NIM1K: variants seen among roughly 807,000 people sequenced by gnomAD.
The protein encoded by NIM1K is serine/threonine-protein kinase NIM1.
NIM1K carries 35 observed loss-of-function variants against 37.1 expected under a neutral mutation model. That is an observed-to-expected ratio of 0.94 (90% CI 0.72 to 1.25). NIM1K has a LOEUF of 1.25. Among genes scored for constraint, NIM1K ranks in the 50% most tolerant of loss-of-function variants. The pLI, the probability that NIM1K is intolerant of heterozygous loss-of-function variation, is 0.00. For synonymous variants in NIM1K, 234 were observed against 206.6 expected, an observed-to-expected ratio of 1.13 and a Z score of -1.14; for missense variants, 564 against 548.0, an observed-to-expected ratio of 1.03 and a Z score of -0.29.
At chr5:43,229,257 A>G (rs1752502891) in intron 1 of NIM1K, among the ~76,000 whole-genome samples, 1 of 151,840 alleles carries the variant, frequency 6.6e-6, no homozygotes, top group African/African-American at 2.4e-5. Context: ...TGGTGGCAGG[A>G]GCCTGTAATC....
chr5:43,247,601 C>T (rs2112265297), intron 2 of NIM1K, among the ~76,000 whole-genome samples: 1 of 152,314 alleles, frequency 6.6e-6, no homozygotes, highest in East Asian at 1.9e-4. Context: ...ACCTTCAGAG[C>T]TTCTGATGTG....
At chr5:43,207,786 C>T (rs1579956188) in intron 1 of NIM1K, 4 of 430,372 alleles carry the variant, frequency 9.3e-6, no homozygotes, top group Non-Finnish European at 1.8e-5. Context: ...GTATTGTACA[C>T]TCTTTGGAAG....
chr5:43,277,279 A>G lies in NIM1K; in HGVS notation c.515A>G (p.Glu172Gly). Reference protein sequence around the residue: ...ISTEGKLSEPESKLIFSQIVS... With the variant: ...ISTEGKLSEPGSKLIFSQIVS... ...ACTGAGGGGAAGCTCTCTGAACCAG[A>G]AAGCAAGCTCATCTTCTCCCAGATT... Residue 172 changes from glutamate to glycine, a missense_variant, in exon 3 of 4, where the codon GAA becomes GGA. Physicochemically the swap from Glu to Gly is moderately conservative, Grantham distance 98. Coordinates refer to ENST00000326035, the MANE Select transcript of NIM1K (RefSeq NM_153361.4). The G allele has an allele frequency of 6.2e-7, 1 of 1,614,114 alleles. No homozygotes were observed. The highest frequency in any genetic ancestry group is 1.1e-5 in the South Asian group (1 of 91,070).
chr5:43,206,754 G>C, intron 1 of NIM1K: 1 of 756,588 alleles, frequency 1.3e-6, no homozygotes, highest in Non-Finnish European at 2.5e-6. Context: ...TGGCACCAAA[G>C]CTGATGGTGA....
intron 2 of NIM1K, among the ~76,000 whole-genome samples, chr5:43,263,224 G>T (rs1261647748): frequency 6.6e-6 from 1 of 152,210 alleles, no homozygotes; most frequent in African/African-American, 2.4e-5. Context: ...ATTCAGCTGT[G>T]AATCTGTCTG....
Position 43,245,497 on chromosome 5 carries a change from C to A in NIM1K, c.-279C>A. On this transcript the variant is annotated 5_prime_UTR_variant, in exon 2 of 4. The change creates a premature stop within an existing upstream ORF in the 5' untranslated region. Coordinates refer to ENST00000326035, the MANE Select transcript of NIM1K (RefSeq NM_153361.4). ...CAGGCCAGTGGGTATGTAACATGTG[C>A]CTAATTGTACAGCTAGAGCCTGCAA... 3.0e-6 allele frequency: 1 copy of A among 330,302 alleles called. No homozygotes were observed. The highest frequency in any genetic ancestry group is 5.5e-6 in the Non-Finnish European group (1 of 181,700). The allele number at this position is 330,302 out of a possible 1,614,324, so 20.5% of individuals were successfully genotyped here.
intron 1 of NIM1K, among the ~76,000 whole-genome samples, chr5:43,212,400 A>G (rs75322768): frequency 0.024 from 3,600 of 152,232 alleles, 150 homozygotes; most frequent in East Asian, 0.16. Context: ...CCAGGCTCCA[A>G]TAGGGATTTT....
intron 1 of NIM1K, among the ~76,000 whole-genome samples, chr5:43,229,288 G>A (rs1252998395): frequency 6.6e-6 from 1 of 150,994 alleles, no homozygotes; most frequent in Admixed American, 6.6e-5. Flanking sequence ...AGGAGGCTGA[G>A]GCAGGAGAAT....
intron 1 of NIM1K, among the ~76,000 whole-genome samples, chr5:43,224,997 A>G (rs1362495544): frequency 6.6e-6 from 1 of 152,132 alleles, no homozygotes; most frequent in Non-Finnish European, 1.5e-5. Context: ...CCTGGCCACA[A>G]GTGGATTTTT....
At chr5:43,276,947 G>C in intron 2 of NIM1K, 110 bp from the exon 3 acceptor site, 1 of 1,071,878 alleles carries the variant, frequency 9.3e-7, no homozygotes, top group Non-Finnish European at 1.4e-6. Flanking sequence ...CTCTCAGCTT[G>C]GGAACAGCCA....
In NIM1K at chr5:43,246,708, A is replaced by G. The variant is rs140752461; in HGVS notation, c.292+641A>G. Among the ~76,000 whole-genome samples, 72 of 152,098 alleles carry G rather than the reference A, an allele frequency of 4.7e-4. No individual in the cohort carries two copies. In the East Asian group the frequency reaches 0.013, roughly 27 times the overall value. ...CTCATTGTTTGGCTCCTCACTCCCCATTTGCTTGGCTACTGGAAACTTTGA... is the reference window on the plus strand; with the variant it reads ...CTCATTGTTTGGCTCCTCACTCCCCGTTTGCTTGGCTACTGGAAACTTTGA... On this transcript the variant is annotated intron_variant, in intron 2 of 3. Coordinates refer to ENST00000326035, the MANE Select transcript of NIM1K (RefSeq NM_153361.4).
Position 43,246,063 on chromosome 5 carries a change from C to T in NIM1K, c.288C>T (p.Thr96=). 1 of 1,608,596 alleles carries T rather than the reference C, an allele frequency of 6.2e-7. No homozygotes were observed. The highest frequency in any genetic ancestry group is 8.5e-7 in the Non-Finnish European group (1 of 1,176,844). The change falls in exon 2 of 4, where the codon ACC becomes ACT. Residue 96 remains threonine (T), a synonymous_variant. Coordinates refer to ENST00000326035, the MANE Select transcript of NIM1K (RefSeq NM_153361.4). ...TGAAGCTTGGGATTCACTCCCTAAC[C>T]AAAGGTAGGATCCGACTTCCCAAGG... is the stretch of plus-strand genomic sequence containing the variant. The part of the protein sequence containing the change: ...SQVKLGIHSL[T]KEKVAIKILD...
intron 2 of NIM1K, among the ~76,000 whole-genome samples, chr5:43,269,778 C>T (rs1361547500): frequency 6.6e-6 from 1 of 152,114 alleles, no homozygotes; most frequent in Non-Finnish European, 1.5e-5. Flanking sequence ...GCCACTACGC[C>T]TGGCTAATTT....
At chr5:43,265,776 G>T (rs553147341) in intron 2 of NIM1K, among the ~76,000 whole-genome samples, 1 of 152,318 alleles carries the variant, frequency 6.6e-6, no homozygotes, top group East Asian at 1.9e-4. Context: ...TTTGGTCTTT[G>T]ATGATGGTGA....
Position 43,208,408 on chromosome 5 carries a change from G to A in NIM1K, c.-695+15997G>A, listed in dbSNP as rs191491202. Among the ~76,000 whole-genome samples, 566 of 152,172 alleles carry A rather than the reference G, an allele frequency of 3.7e-3. 1 individual carries two copies. The highest frequency in any genetic ancestry group is 0.013 in the African/African-American group (541 of 41,532). ...TCACAAGGTCAGGAGTTCGAGAACA[G>A]CCTGACCAATATGGTGAAACCCTGT... On this transcript the variant is annotated intron_variant, in intron 1 of 3. Transcript: ENST00000326035.
chr5:43,258,344 C>A lies in NIM1K; in HGVS notation c.292+12277C>A, dbSNP rs549771095. On this transcript the variant is annotated intron_variant, in intron 2 of 3. Coordinates refer to ENST00000326035, the MANE Select transcript of NIM1K (RefSeq NM_153361.4). The stretch of plus-strand genomic sequence containing the variant: ...GAATGTAGTACCACAATTTATTTAT[C>A]CATTCAACTGTTGATGATGTGACTA... Among the ~76,000 whole-genome samples, 19 of 152,240 alleles carry A rather than the reference C, an allele frequency of 1.2e-4. No individual in the cohort carries two copies. The South Asian group carries it at 3.9e-3, about 32-fold the overall frequency.
At chr5:43,207,593 A>G in intron 1 of NIM1K, 1 of 669,344 alleles carries the variant, frequency 1.5e-6, no homozygotes, top group Non-Finnish European at 2.9e-6. Context: ...TGACCTCTCA[A>G]TGAAAGTATT....
intron 2 of NIM1K, among the ~76,000 whole-genome samples, chr5:43,262,235 C>A (rs7726618): frequency 0.24 from 36,685 of 152,054 alleles, 5,022 homozygotes; most frequent in Middle Eastern, 0.42. Context: ...TTCTTCCTAT[C>A]CATGAGCATG....
At chr5:43,240,526 T>C (rs1319327088) in intron 1 of NIM1K, 1 of 150,674 alleles carries the variant, frequency 6.6e-6, no homozygotes, top group Non-Finnish European at 1.5e-5. Context: ...TTTTTAGGGA[T>C]TCCCTCCTCT....
Sources: allele counts gnomAD v4.1 joint callset (sites outside exome capture counted in the v4.1 genomes callset), GRCh38; gene constraint gnomAD v4.1.1; transcripts MANE v1.5; gene names NCBI Gene and HGNC (gene_info 2026-07-23, HGNC 2026-07-21).